HACD1: variants seen among roughly 807,000 people sequenced by gnomAD.
HACD1 encodes the protein 3-hydroxyacyl-CoA dehydratase 1, also known as very-long-chain (3R)-3-hydroxyacyl-CoA dehydratase 1.
In HACD1, 41 loss-of-function variants were observed where a neutral mutation model predicts 32.0. The ratio of observed to expected loss-of-function variants is 1.28; its 90% confidence interval spans 1.00 to 1.66. The LOEUF is 1.66. Ranked by LOEUF, HACD1 falls within the 40% of genes most tolerant of loss-of-function variation. The probability of loss-of-function intolerance (pLI) is 0.00; values close to 1 mark genes in which losing one functional copy is unlikely to be tolerated. For missense variants in HACD1, 396 were observed against 380.1 expected, an observed-to-expected ratio of 1.04 and a Z score of -0.35; for synonymous variants, 142 against 139.0, an observed-to-expected ratio of 1.02 and a Z score of -0.15.
At chr10:17,592,834 G>A (rs1281389301) in intron 6 of HACD1, among the ~76,000 whole-genome samples, 1 of 152,186 alleles carries the variant, frequency 6.6e-6, no homozygotes, top group South Asian at 2.1e-4. Context: ...ACAGAATCAG[G>A]CTGAAGTGGT....
At chr10:17,595,106 G>T (rs193213072) in intron 5 of HACD1, among the ~76,000 whole-genome samples, 1 of 151,928 alleles carries the variant, frequency 6.6e-6, no homozygotes, top group African/African-American at 2.4e-5. Flanking sequence ...TGATCCACCC[G>T]CCTCAGCCTC....
Position 17,617,066 on chromosome 10 carries a change from C to A in HACD1, c.257+17G>T. On this transcript the variant is annotated intron_variant, in intron 1 of 6. Transcript: ENST00000361271. ...GCGGCGCGGGGAGGGCCCGAGGGTGCCCCGCGGCGCGCGTACCCCGCGGTC... is the reference window on the plus strand; with the variant it reads ...GCGGCGCGGGGAGGGCCCGAGGGTGACCCGCGGCGCGCGTACCCCGCGGTC... 6.8e-7 allele frequency: 1 copy of A among 1,466,622 alleles called. No individual in the cohort carries two copies. Among genetic ancestry groups the A allele is most frequent in the Non-Finnish European group, 9.0e-7 (1 of 1,112,692 alleles). The allele number at this position is 1,466,622 out of a possible 1,614,324, so 90.9% of individuals were successfully genotyped here. A position where few individuals can be genotyped will look rare whatever the true frequency, so the allele number is the denominator to read the frequency against.
chr10:17,606,239 C>T (rs797033041), intron 1 of HACD1, among the ~76,000 whole-genome samples: 17 of 152,274 alleles, frequency 1.1e-4, no homozygotes, highest in South Asian at 4.1e-4. Context: ...TTTAAACTTA[C>T]GTTTGCATAT....
Position 17,594,250 on chromosome 10 carries a change from C to G in HACD1, c.739G>C (p.Asp247His), listed in dbSNP as rs1833966067. The change falls in exon 6 of 7, where the codon GAC becomes CAC. Residue 247 changes from aspartate (D) to histidine (H), a missense_variant. Transcript: ENST00000361271. ...RLPNKYNVSF[D>H]YYYFLLITMA... Reference sequence around the variant, plus strand: ...GTTATAAGAAGAAAATAATAGTAGTCAAAAGAGACATTGTATTTGTTAGGA... The same window carrying G: ...GTTATAAGAAGAAAATAATAGTAGTGAAAAGAGACATTGTATTTGTTAGGA... 4 of 1,593,324 alleles carry G rather than the reference C, an allele frequency of 2.5e-6. No homozygotes were observed. The highest frequency in any genetic ancestry group is 1.8e-5 in the Admixed American group (1 of 56,458).
At position 17,590,820 on chromosome 10, in the gene HACD1, C is replaced by CT. The variant is rs1554815520; in HGVS notation, c.785-375_785-374insA. 2.6e-5 allele frequency among the ~76,000 whole-genome samples: 4 copies of CT among 152,018 alleles called. No homozygotes were observed. The East Asian group carries it at 7.7e-4, about 29-fold the overall frequency. On this transcript the variant is annotated intron_variant, in intron 6 of 6. Coordinates refer to ENST00000361271, the MANE Select transcript of HACD1 (RefSeq NM_014241.4). Reference sequence around the variant, plus strand: ...CCGAGTAGCTGAGATTACAGGCATGCATCACCACCACACCTGACTAATTTT... The same window carrying CT: ...CCGAGTAGCTGAGATTACAGGCATGCTATCACCACCACACCTGACTAATTTT...
At chr10:17,598,891 T>A (rs1834029958) in intron 5 of HACD1, among the ~76,000 whole-genome samples, 1 of 152,128 alleles carries the variant, frequency 6.6e-6, no homozygotes, top group Non-Finnish European at 1.5e-5. Flanking sequence ...AATCGCATTG[T>A]GTAAATGGTA....
intron 4 of HACD1, among the ~76,000 whole-genome samples, chr10:17,602,247 T>G (rs1554816605): frequency 6.6e-6 from 1 of 152,034 alleles, no homozygotes; most frequent in Non-Finnish European, 1.5e-5. Context: ...TTTTTGTATT[T>G]TTGGTAGAGA....
Position 17,603,547 on chromosome 10 carries a change from T to C in HACD1, c.483+13A>G. ...CTGCAGGCTCAAGTAGACAACATGT[T>C]TGTGTCACTTACTGGTTTTATACTG... On this transcript the variant is annotated intron_variant, in intron 4 of 6. Coordinates refer to ENST00000361271, the MANE Select transcript of HACD1 (RefSeq NM_014241.4). 6.3e-7 allele frequency: 1 copy of C among 1,584,386 alleles called. No individual in the cohort carries two copies. The highest frequency in any genetic ancestry group is 8.7e-7 in the Non-Finnish European group (1 of 1,154,450).
chr10:17,607,645 A>T (rs1176078741), intron 1 of HACD1, among the ~76,000 whole-genome samples: 1 of 152,204 alleles, frequency 6.6e-6, no homozygotes, highest in Non-Finnish European at 1.5e-5. Flanking sequence ...ATAAAAATCC[A>T]TGCATCGTTA....
chr10:17,607,747 A>G (rs887666629), intron 1 of HACD1, among the ~76,000 whole-genome samples: 1 of 152,146 alleles, frequency 6.6e-6, no homozygotes, highest in Non-Finnish European at 1.5e-5. Context: ...AAACTGTGGG[A>G]AATAAAAGAA....
intron 5 of HACD1, among the ~76,000 whole-genome samples, chr10:17,595,016 G>A (rs573111375): frequency 3.3e-5 from 5 of 151,886 alleles, no homozygotes; most frequent in South Asian, 4.2e-4. Flanking sequence ...CCGCCACCAC[G>A]CCCGGTTAAT....
rs1554816807 is a variant in HACD1 at position 17,603,911 on chromosome 10, A to G, written c.375+19T>C. 6.4e-7 allele frequency: 1 copy of G among 1,552,440 alleles called. No homozygotes were observed. ...ATAAATATTACAGCAATAGAAAAAC[A>G]GCATGATGGAAAACTTACCTCAAGC... On this transcript the variant is annotated intron_variant, in intron 2 of 6. Coordinates refer to ENST00000361271, the MANE Select transcript of HACD1 (RefSeq NM_014241.4).
At position 17,603,872 on chromosome 10, in the gene HACD1, C is replaced by CA. The variant is rs782354331; in HGVS notation, c.375+57dup. ...GCAAAATCATATTGATTTTGCACAACAAAAAATGTTCACATAAATATTACA... is the reference window on the plus strand; with the variant it reads ...GCAAAATCATATTGATTTTGCACAACAAAAAAATGTTCACATAAATATTACA... On this transcript the variant is annotated intron_variant, in intron 2 of 6. Coordinates refer to ENST00000361271, the MANE Select transcript of HACD1 (RefSeq NM_014241.4). The CA allele has an allele frequency of 1.2e-4, 188 of 1,506,908 alleles. No homozygotes were observed. The African/African-American group carries it at 1.9e-3, about 15-fold the overall frequency. The allele number at this position is 1,506,908 out of a possible 1,614,324, so 93.3% of individuals were successfully genotyped here. A position where few individuals can be genotyped will look rare whatever the true frequency, so the allele number is the denominator to read the frequency against.
intron 5 of HACD1, among the ~76,000 whole-genome samples, chr10:17,598,259 C>CAAAA (rs34543137): frequency 1.1e-3 from 98 of 89,694 alleles, no homozygotes; most frequent in South Asian, 4.6e-3. Flanking sequence ...GACCCTGTCT[C>CAAAA]AAAAAAAAAA....
intron 1 of HACD1, among the ~76,000 whole-genome samples, chr10:17,611,892 G>A (rs2063825241): frequency 6.6e-6 from 1 of 151,850 alleles, no homozygotes; most frequent in Non-Finnish European, 1.5e-5. Context: ...GCATGAACCC[G>A]GGAGGCGGAG....
At chr10:17,605,106 T>C (rs1554816935) in intron 1 of HACD1, among the ~76,000 whole-genome samples, 3 of 151,972 alleles carry the variant, frequency 2.0e-5, no homozygotes, top group Non-Finnish European at 2.9e-5. Context: ...GATGGGGCAA[T>C]GAGGAGTTAG....
intron 1 of HACD1, among the ~76,000 whole-genome samples, chr10:17,606,280 C>T (rs539082331): frequency 3.4e-4 from 52 of 152,324 alleles, no homozygotes; most frequent in South Asian, 1.0e-3. Flanking sequence ...GAATAATAAT[C>T]GTGCTTTAAA....
chr10:17,591,976 A>T (rs868965953), intron 6 of HACD1, among the ~76,000 whole-genome samples: 15 of 96,944 alleles, frequency 1.5e-4, no homozygotes, highest in African/African-American at 4.9e-4. Context: ...CCAGCTACTG[A>T]TTTTTTTTTT....
Position 17,590,177 on chromosome 10 carries a change from G to A in HACD1, c.*187C>T, listed in dbSNP as rs1266639726. 2 of 397,074 alleles carry A rather than the reference G, an allele frequency of 5.0e-6. No homozygotes were observed. 24.6% of individuals were successfully genotyped at this position (397,074 alleles called of 1,614,324 possible). On this transcript the variant is annotated 3_prime_UTR_variant, in exon 7 of 7. Coordinates refer to ENST00000361271, the MANE Select transcript of HACD1 (RefSeq NM_014241.4). ...CCCAAAAGTTACTGATATTTGCACA[G>A]TTCTTGTAAAAAATAGATCTGGCAC...
Sources: gnomAD v4.1 joint callset for allele counts (sites outside exome capture counted in the v4.1 genomes callset) on GRCh38, gnomAD v4.1.1 for gene constraint, MANE v1.5 for transcripts, NCBI Gene and HGNC (gene_info 2026-07-23, HGNC 2026-07-21) for gene names.